The following SYT2 variants were observed in gnomAD, a reference collection of about 807,000 sequenced individuals.
The protein encoded by SYT2 is synaptotagmin-2.
A neutral mutation model predicts 39.9 loss-of-function variants in SYT2; 15 were observed. The ratio of observed to expected loss-of-function variants is 0.38; its 90% CI spans 0.25 to 0.58. SYT2 has a LOEUF of 0.58. Among genes scored for constraint, SYT2 ranks in the 20% least tolerant of loss-of-function variants. The pLI is 0.70. For missense variants in SYT2, 389 were observed against 530.3 expected, an observed-to-expected ratio of 0.73 and a Z score of 2.62; for synonymous variants, 181 against 204.5, an observed-to-expected ratio of 0.89 and a Z score of 0.98.
chr1:202,708,611 G>C (rs1039652927), intron 1 of SYT2, among the ~76,000 whole-genome samples: 3 of 152,018 alleles, frequency 2.0e-5, no homozygotes, highest in African/African-American at 7.2e-5. Context: ...GGTTGGAGTT[G>C]GACTCCCTAG....
chr1:202,656,449 G>A (rs1348545039), intron 1 of SYT2, among the ~76,000 whole-genome samples: 2 of 152,218 alleles, frequency 1.3e-5, no homozygotes, highest in East Asian at 1.9e-4. Flanking sequence ...AGCCAAGGAT[G>A]GTAGAGTGCA....
intron 1 of SYT2, among the ~76,000 whole-genome samples, chr1:202,629,773 G>A (rs1191380312): frequency 2.6e-5 from 4 of 151,670 alleles, no homozygotes; most frequent in Non-Finnish European, 2.9e-5. Context: ...GGAGGCTGAG[G>A]TGGGAGAATC....
At chr1:202,696,783 A>C (rs183620719) in intron 1 of SYT2, among the ~76,000 whole-genome samples, 4 of 152,290 alleles carry the variant, frequency 2.6e-5, no homozygotes, top group African/African-American at 7.2e-5. Context: ...AATATCATGA[A>C]TTTTCCTTCT....
At chr1:202,689,332 TA>T (rs1653761066) in intron 1 of SYT2, among the ~76,000 whole-genome samples, 1 of 152,112 alleles carries the variant, frequency 6.6e-6, no homozygotes, top group Non-Finnish European at 1.5e-5. Flanking sequence ...GATATTCCCA[TA>T]ACCCATCCCC....
chr1:202,616,856 G>A (rs1303000961), intron 1 of SYT2, among the ~76,000 whole-genome samples: 3 of 152,204 alleles, frequency 2.0e-5, no homozygotes, highest in African/African-American at 7.2e-5. Context: ...TTCTGTCAGA[G>A]TCAAGCCACT....
At chr1:202,619,609 C>T (rs1691150612) in intron 1 of SYT2, among the ~76,000 whole-genome samples, 1 of 152,196 alleles carries the variant, frequency 6.6e-6, no homozygotes, top group Non-Finnish European at 1.5e-5. Flanking sequence ...CTGGAATGTG[C>T]CCAGGGATCT....
At chr1:202,659,944 C>T (rs1558452256) in intron 1 of SYT2, among the ~76,000 whole-genome samples, 1 of 152,174 alleles carries the variant, frequency 6.6e-6, no homozygotes, top group Admixed American at 6.5e-5. Context: ...CCCCCTGGGT[C>T]CCAGGCAGGA....
chr1:202,605,748 G>T lies in SYT2; in HGVS notation c.25C>A (p.Gln9Lys). 4 of 1,614,128 alleles carry T rather than the reference G, an allele frequency of 2.5e-6. No individual in the cohort carries two copies. The highest frequency in any genetic ancestry group is 3.4e-6 in the Non-Finnish European group (4 of 1,180,012). Residue 9 changes from glutamine (Q) to lysine (K), a missense_variant, in exon 2 of 9, where the codon CAG (glutamine) becomes AAG (lysine). Around this residue, in one of 4 missense-constraint regions of SYT2, gnomAD observed 280 missense variants for 335.6 expected, o/e 0.83. Transcript: ENST00000367268. MRNIFKRN[Q>K]EPIVAPATTT... ...GTGGCAGGAGCCACAATAGGCTCCT[G>T]GTTCCTCTTGAAAATGTTCCTCATG...
At chr1:202,626,524 TACC>T (rs1232251224) in intron 1 of SYT2, among the ~76,000 whole-genome samples, 1 of 148,392 alleles carries the variant, frequency 6.7e-6, no homozygotes, top group Non-Finnish European at 1.5e-5. Flanking sequence ...ACTACAGGCG[TACC>T]ACCATGCCCG....
chr1:202,655,451 C>T (rs370620673), intron 1 of SYT2, among the ~76,000 whole-genome samples: 2 of 152,118 alleles, frequency 1.3e-5, no homozygotes, highest in East Asian at 1.9e-4. Flanking sequence ...AACAGCTGAT[C>T]AAGTGTCTGA....
intron 1 of SYT2, among the ~76,000 whole-genome samples, chr1:202,705,335 C>G (rs904365028): frequency 4.6e-5 from 7 of 152,264 alleles, no homozygotes; most frequent in Non-Finnish European, 8.8e-5. Flanking sequence ...GCCGCTCTAT[C>G]CCCGAGCAGG....
At chr1:202,700,995 C>G (rs1654108427) in intron 1 of SYT2, among the ~76,000 whole-genome samples, 1 of 152,186 alleles carries the variant, frequency 6.6e-6, no homozygotes. Flanking sequence ...ATTCATTTAT[C>G]ATTTCGAAGA....
chr1:202,596,498 T>C lies in SYT2; in HGVS notation c.*259A>G. 1 of 384,676 alleles carries C rather than the reference T, an allele frequency of 2.6e-6. No individual in the cohort carries two copies. The highest frequency in any genetic ancestry group is 4.7e-6 in the Non-Finnish European group (1 of 213,438). The allele number at this position is 384,676 out of a possible 1,614,324, so 23.8% of individuals were successfully genotyped here. ...GAAGCTTTGAAAGAGTCGAGGGAAC[T>C]GTGACAGGGCATGCAGCAAGGACAG... On this transcript the variant is annotated 3_prime_UTR_variant, in exon 9 of 9. Transcript: ENST00000367268.
In SYT2 at chr1:202,654,697, T is replaced by C. The variant is rs186923109; in HGVS notation, c.-17-48908A>G. ...GTGCTACAACCAGCACTATGGAGTGTGGGACGGTGCTCTATAATAGACAGA... is the reference window on the plus strand; with the variant it reads ...GTGCTACAACCAGCACTATGGAGTGCGGGACGGTGCTCTATAATAGACAGA... On this transcript the variant is annotated intron_variant, in intron 1 of 8. Coordinates refer to ENST00000367268, the MANE Select transcript of SYT2 (RefSeq NM_177402.5). Among the ~76,000 whole-genome samples, 93 of 152,224 alleles carry C rather than the reference T, an allele frequency of 6.1e-4. 1 individual carries two copies. In the East Asian group the frequency reaches 0.014, roughly 23 times the overall value.
chr1:202,625,111 GTGTGGTATGTGTGTCGTGT>G (rs1691348949), intron 1 of SYT2, among the ~76,000 whole-genome samples: 1 of 974 alleles, frequency 1.0e-3, no homozygotes, highest in African/African-American at 2.0e-3. Flanking sequence ...TGTGTGGTGT[GTGTGGTATGTGTGTCGTGT>G]GTGTGGCGTG....
rs1002686670 is a variant in SYT2, at chr1:202,592,165, G to A, written c.*4592C>T. 2.0e-5 allele frequency: 3 copies of A among 152,796 alleles called. No homozygotes were observed. Among genetic ancestry groups the A allele is most frequent in the Non-Finnish European group, 2.9e-5 (2 of 68,160 alleles). 9.5% of individuals were successfully genotyped at this position (152,796 alleles called of 1,614,324 possible). Reference sequence around the variant, plus strand: ...GCTTTTCAGTGAATTCAAACAGTGGGAGGAAGGGGCACACCACACACATAC... The same window carrying A: ...GCTTTTCAGTGAATTCAAACAGTGGAAGGAAGGGGCACACCACACACATAC... On this transcript the variant is annotated 3_prime_UTR_variant, in exon 9 of 9. Coordinates refer to ENST00000367268, the MANE Select transcript of SYT2 (RefSeq NM_177402.5).
intron 1 of SYT2, among the ~76,000 whole-genome samples, chr1:202,704,063 G>A (rs1305031177): frequency 2.0e-5 from 3 of 152,166 alleles, no homozygotes; most frequent in Admixed American, 2.0e-4. Flanking sequence ...CCCAGCTGCT[G>A]TCCTCCCCTG....
intron 1 of SYT2, among the ~76,000 whole-genome samples, chr1:202,660,369 C>T (rs1437047324): frequency 6.6e-6 from 1 of 152,200 alleles, no homozygotes; most frequent in African/African-American, 2.4e-5. Context: ...GATCACATGA[C>T]AATGCATGTA....
intron 1 of SYT2, among the ~76,000 whole-genome samples, chr1:202,686,491 G>A (rs988983192): frequency 6.6e-6 from 1 of 152,160 alleles, no homozygotes; most frequent in Non-Finnish European, 1.5e-5. Context: ...CCTTCTTGAA[G>A]GTGGATCCCT....
Sources: gnomAD v4.1 joint callset for allele counts (sites outside exome capture counted in the v4.1 genomes callset) on GRCh38, gnomAD v4.1.1 for gene constraint, gnomAD v4.1.1 regional missense constraint, MANE v1.5 for transcripts, NCBI Gene and HGNC (gene_info 2026-07-23, HGNC 2026-07-21) for gene names.